Variants in PDGFC observed in about 807,000 individuals in gnomAD.
PDGFC encodes platelet derived growth factor C.
A neutral mutation model predicts 35.5 loss-of-function variants in PDGFC; 12 were observed. The observed-to-expected ratio is 0.34, with a 90% CI of 0.22 to 0.55. The LOEUF (loss-of-function observed/expected upper bound fraction) is 0.55. PDGFC is among the 20% of genes least tolerant of loss of function. PDGFC has a pLI of 0.91. For synonymous variants in PDGFC, 159 were observed against 148.8 expected (o/e 1.07, Z -0.50); for missense variants, 322 against 412.4 (o/e 0.78, Z 1.90).
intron 1 of PDGFC, among the ~76,000 whole-genome samples, chr4:156,935,367 A>G (rs1449336146): frequency 6.6e-6 from 1 of 152,224 alleles, no homozygotes; most frequent in Non-Finnish European, 1.5e-5. Flanking sequence ...AAATACAAAA[A>G]TCAGTAACAC....
intron 1 of PDGFC, among the ~76,000 whole-genome samples, chr4:156,940,472 T>C (rs543727529): frequency 6.6e-6 from 1 of 152,264 alleles, no homozygotes; most frequent in Admixed American, 6.6e-5. Flanking sequence ...AACAAGTCCC[T>C]GACATTTCTG....
chr4:156,822,008 C>A (rs1732275652), intron 2 of PDGFC, among the ~76,000 whole-genome samples: 1 of 152,034 alleles, frequency 6.6e-6, no homozygotes, highest in Non-Finnish European at 1.5e-5. Context: ...GACCAATATA[C>A]AAATATCAAA....
chr4:156,772,792 A>G lies in PDGFC; in HGVS notation c.597T>C (p.Leu199=), dbSNP rs1049043716. 7 of 1,612,184 alleles carry G rather than the reference A, an allele frequency of 4.3e-6. No homozygotes were observed. The highest frequency in any genetic ancestry group is 5.9e-6 in the Non-Finnish European group (7 of 1,178,342). ...AITAFSTLED[L]IRYLEPERWQ... ...ATCTCTCTGGTTCAAGATATCGAAT[A>G]AGGTCTTCCAAGGTACTAAAGGCAG... The change falls in exon 4 of 6, where the codon CTT becomes CTC. Residue 199 remains leucine (L), a synonymous_variant. Coordinates refer to ENST00000502773, the MANE Select transcript of PDGFC (RefSeq NM_016205.3).
intron 1 of PDGFC, among the ~76,000 whole-genome samples, chr4:156,897,265 T>G (rs918236259): frequency 1.3e-5 from 2 of 151,964 alleles, no homozygotes; most frequent in African/African-American, 4.8e-5. Flanking sequence ...CAAAAGAATT[T>G]GCTTGAATTA....
intron 1 of PDGFC, among the ~76,000 whole-genome samples, chr4:156,866,730 C>G (rs1410765956): frequency 3.9e-5 from 6 of 152,018 alleles, no homozygotes; most frequent in Admixed American, 2.6e-4. Flanking sequence ...AAAAAATAAC[C>G]AGTACTATCT....
At chr4:156,850,582 T>C (rs578112776) in intron 1 of PDGFC, among the ~76,000 whole-genome samples, 166 bp from the exon 2 acceptor site, 1 of 152,272 alleles carries the variant, frequency 6.6e-6, no homozygotes, top group Admixed American at 6.5e-5. Context: ...AAAAAGATTA[T>C]TTTATCATTA....
intron 1 of PDGFC, among the ~76,000 whole-genome samples, chr4:156,854,676 T>C (rs1257190478): frequency 6.6e-6 from 1 of 152,170 alleles, no homozygotes; most frequent in Non-Finnish European, 1.5e-5. Context: ...ACTGTGCTTA[T>C]ATTCTGTTGT....
chr4:156,918,391 A>T (rs558453206), intron 1 of PDGFC, among the ~76,000 whole-genome samples: 113 of 152,344 alleles, frequency 7.4e-4, no homozygotes, highest in African/African-American at 2.6e-3. Context: ...TCTTTAGAAG[A>T]AATAAAGGTG....
intron 1 of PDGFC, among the ~76,000 whole-genome samples, chr4:156,859,135 CTTT>C (rs1423316783): frequency 2.0e-5 from 3 of 151,952 alleles, no homozygotes; most frequent in African/African-American, 7.2e-5. Context: ...TTAAAATTCT[CTTT>C]TTAAGCTCTG....
At chr4:156,930,893 G>T (rs924980212) in intron 1 of PDGFC, among the ~76,000 whole-genome samples, 1 of 151,976 alleles carries the variant, frequency 6.6e-6, no homozygotes, top group Non-Finnish European at 1.5e-5. Flanking sequence ...AAAAATAAAA[G>T]AATTTAGGTT....
At chr4:156,862,333 T>C (rs961044255) in intron 1 of PDGFC, among the ~76,000 whole-genome samples, 1 of 152,104 alleles carries the variant, frequency 6.6e-6, no homozygotes, top group African/African-American at 2.4e-5. Flanking sequence ...ACAGAAATAA[T>C]AAAATTATTT....
rs1340816955 is a variant in PDGFC at position 156,824,331 on chromosome 4, C to CAT, written c.315-13315_315-13314insAT. 1.8e-3 allele frequency among the ~76,000 whole-genome samples: 140 copies of CAT among 76,212 alleles called. 2 individuals are homozygous for CAT. Among genetic ancestry groups the CAT allele is most frequent in the African/African-American group, 9.7e-3 (125 of 12,830 alleles). The allele number at this position is 76,212 out of a possible 152,430, so 50.0% of individuals were successfully genotyped here. A position where few individuals can be genotyped will look rare whatever the true frequency, so the allele number is the denominator to read the frequency against. Reference sequence around the variant, plus strand: ...ATATATATATATATATATATATACACACACACACACACACACACATATACA... The same window carrying CAT: ...ATATATATATATATATATATATACACATACACACACACACACACACATATACA... On this transcript the variant is annotated intron_variant, in intron 2 of 5. Transcript: ENST00000502773.
intron 1 of PDGFC, among the ~76,000 whole-genome samples, chr4:156,871,604 G>A (rs1729985360): frequency 6.6e-6 from 1 of 151,966 alleles, no homozygotes; most frequent in Admixed American, 6.6e-5. Context: ...TAGAAAATGT[G>A]CCTAAAATAT....
chr4:156,910,994 C>T (rs1440785627), intron 1 of PDGFC, among the ~76,000 whole-genome samples: 1 of 152,076 alleles, frequency 6.6e-6, no homozygotes, highest in African/African-American at 2.4e-5. Flanking sequence ...ATCCATAGCT[C>T]GTCCTTTCAT....
At position 156,762,626 on chromosome 4, in the gene PDGFC, A is replaced by C. The variant is rs1485447307; in HGVS notation, c.*464T>G. ...CTGGTTTACATATGTGAATATGAGC[A>C]AAAAAAAAAAAAAAAATCCAGATTT... On this transcript the variant is annotated 3_prime_UTR_variant, in exon 6 of 6. Coordinates refer to ENST00000502773, the MANE Select transcript of PDGFC (RefSeq NM_016205.3). The C allele has an allele frequency of 8.6e-6, 1 of 115,780 alleles. No homozygotes were observed. The highest frequency in any genetic ancestry group is 1.7e-5 in the Non-Finnish European group (1 of 59,628). 7.2% of individuals were successfully genotyped at this position (115,780 alleles called of 1,614,324 possible).
chr4:156,966,011 A>G (rs1404441573), intron 1 of PDGFC, among the ~76,000 whole-genome samples: 1 of 152,134 alleles, frequency 6.6e-6, no homozygotes, highest in African/African-American at 2.4e-5. Context: ...CATTTGTCTT[A>G]GAGGAGTTGC....
chr4:156,843,855 G>C (rs1001353500), intron 2 of PDGFC, among the ~76,000 whole-genome samples: 2 of 152,020 alleles, frequency 1.3e-5, no homozygotes, highest in Non-Finnish European at 2.9e-5. Context: ...TTCTTGCCAA[G>C]GACAATAACT....
chr4:156,962,785 C>A (rs944165400), intron 1 of PDGFC, among the ~76,000 whole-genome samples: 1 of 152,030 alleles, frequency 6.6e-6, no homozygotes, highest in Admixed American at 6.6e-5. Flanking sequence ...TAATACCTCA[C>A]GGAGAGTTTA....
intron 1 of PDGFC, among the ~76,000 whole-genome samples, chr4:156,866,320 T>C (rs1729841151): frequency 6.6e-6 from 1 of 152,222 alleles, no homozygotes; most frequent in African/African-American, 2.4e-5. Flanking sequence ...TATTCCATTG[T>C]GTGTATGTGC....
Sources: gnomAD v4.1 joint callset for allele counts (sites outside exome capture counted in the v4.1 genomes callset) on GRCh38, gnomAD v4.1.1 for gene constraint, MANE v1.5 for transcripts, NCBI Gene and HGNC (gene_info 2026-07-23, HGNC 2026-07-21) for gene names.